PPCDC: variants seen among roughly 807,000 people sequenced by gnomAD.
PPCDC encodes phosphopantothenoylcysteine decarboxylase.
A neutral mutation model predicts 20.7 loss-of-function variants in PPCDC; 20 were observed. That is an observed-to-expected ratio of 0.97 (90% confidence interval 0.68 to 1.41). The LOEUF is 1.41. Ranked by LOEUF, PPCDC falls within the 40% of genes most tolerant of loss-of-function variation. The pLI is 0.00. For synonymous variants in PPCDC, 88 were observed against 100.3 expected (o/e 0.88, Z 0.73); for missense variants, 246 against 263.8 (o/e 0.93, Z 0.47).
chr15:75,049,306 T>C lies in PPCDC; in HGVS notation c.*71T>C, dbSNP rs560428288. ...CAGGCCAAGTCGGTGAAGATGGATG[T>C]TGGCAAAATAGGAGGATACCCTCAT... is the stretch of plus-strand genomic sequence containing the variant. On this transcript the variant is annotated 3_prime_UTR_variant, in exon 6 of 6. Coordinates refer to ENST00000342932, the MANE Select transcript of PPCDC (RefSeq NM_021823.5). 48 of 1,446,044 alleles carry C rather than the reference T, an allele frequency of 3.3e-5. No individual in the cohort carries two copies. In the Admixed American group the frequency reaches 8.2e-4, roughly 25 times the overall value. 89.6% of individuals were successfully genotyped at this position (1,446,044 alleles called of 1,614,324 possible). A position where few individuals can be genotyped will look rare whatever the true frequency, so the allele number is the denominator to read the frequency against.
intron 2 of PPCDC, among the ~76,000 whole-genome samples, chr15:75,041,366 A>G (rs1254723927): frequency 6.6e-6 from 1 of 152,156 alleles, no homozygotes; most frequent in African/African-American, 2.4e-5. Flanking sequence ...ATGGTGGTTC[A>G]TGCTTGTAAT....
chr15:75,030,007 G>A (rs1243155669), intron 2 of PPCDC, among the ~76,000 whole-genome samples: 1 of 152,128 alleles, frequency 6.6e-6, no homozygotes, highest in Non-Finnish European at 1.5e-5. Context: ...CCTGGAGCAG[G>A]GAGGTGCTCC....
chr15:75,032,380 C>G (rs6495143), intron 2 of PPCDC, among the ~76,000 whole-genome samples: 1 of 152,108 alleles, frequency 6.6e-6, no homozygotes, highest in Non-Finnish European at 1.5e-5. Flanking sequence ...TGCTCATATG[C>G]AGTGTGGAGT....
chr15:75,039,152 A>T (rs186245619), intron 2 of PPCDC, among the ~76,000 whole-genome samples: 7 of 152,306 alleles, frequency 4.6e-5, no homozygotes, highest in African/African-American at 1.7e-4. Flanking sequence ...GGGTGCCAAA[A>T]GTTGATTGGA....
At chr15:75,043,557 G>T in intron 3 of PPCDC, 21 bp downstream of exon 3, 1 of 1,573,876 alleles carries the variant, frequency 6.4e-7, no homozygotes, top group Non-Finnish European at 8.7e-7. Flanking sequence ...GGGCCCCTGG[G>T]CTGAGTTCCA....
intron 1 of PPCDC, among the ~76,000 whole-genome samples, chr15:75,024,521 T>A (rs1219724414): frequency 6.6e-6 from 1 of 151,956 alleles, no homozygotes; most frequent in African/African-American, 2.4e-5. Context: ...CTAATTTTTA[T>A]TTTATTTCAT....
At position 75,038,837 on chromosome 15, in the gene PPCDC, A is replaced by C. The variant is rs182045700; in HGVS notation, c.136-4604A>C. On this transcript the variant is annotated intron_variant, in intron 2 of 5. Coordinates refer to ENST00000342932, the MANE Select transcript of PPCDC (RefSeq NM_021823.5). ...CCTACTGAATTGATTCAATTTTCTC[A>C]TCTTTTTTCTACTATTATCCGTTTC... is the stretch of plus-strand genomic sequence containing the variant. Among the ~76,000 whole-genome samples the C allele has an allele frequency of 2.0e-3, 306 of 151,438 alleles. 1 individual carries two copies. The highest frequency in any genetic ancestry group is 3.0e-3 in the Admixed American group (46 of 15,220).
chr15:75,028,011 C>T (rs746699153), intron 1 of PPCDC, among the ~76,000 whole-genome samples: 13 of 152,240 alleles, frequency 8.5e-5, no homozygotes, highest in Non-Finnish European at 1.2e-4. Context: ...GAGATGGTCA[C>T]CCTGAGCAGC....
At chr15:75,040,511 A>G (rs1437722392) in intron 2 of PPCDC, among the ~76,000 whole-genome samples, 1 of 152,176 alleles carries the variant, frequency 6.6e-6, no homozygotes, top group Non-Finnish European at 1.5e-5. Context: ...ATCTTTTTAT[A>G]CAAGATATTG....
At chr15:75,045,574 G>T (rs1365213284) in intron 4 of PPCDC, among the ~76,000 whole-genome samples, 3 of 152,188 alleles carry the variant, frequency 2.0e-5, no homozygotes, top group Non-Finnish European at 4.4e-5. Flanking sequence ...TGGGGTCACA[G>T]ATTAGTGTTC....
At chr15:75,047,295 C>T (rs2066248876) in intron 4 of PPCDC, among the ~76,000 whole-genome samples, 1 of 152,184 alleles carries the variant, frequency 6.6e-6, no homozygotes, top group African/African-American at 2.4e-5. Flanking sequence ...CACTCATAGC[C>T]CGGCTGCCGT....
intron 2 of PPCDC, among the ~76,000 whole-genome samples, chr15:75,030,837 GT>G: frequency 6.6e-6 from 1 of 152,276 alleles, no homozygotes; most frequent in Non-Finnish European, 1.5e-5. Context: ...GCCCATCACT[GT>G]TCCTGATTGA....
chr15:75,041,261 A>G (rs1367910637), intron 2 of PPCDC, among the ~76,000 whole-genome samples: 2 of 152,200 alleles, frequency 1.3e-5, no homozygotes, highest in Non-Finnish European at 2.9e-5. Flanking sequence ...CTCATTTGCC[A>G]TCTTACTCAG....
chr15:75,026,802 T>A (rs746496173), intron 1 of PPCDC, among the ~76,000 whole-genome samples: 1 of 152,138 alleles, frequency 6.6e-6, no homozygotes, highest in Non-Finnish European at 1.5e-5. Flanking sequence ...ATGTATTGAC[T>A]CAAAGTTTCT....
At chr15:75,027,656 G>A (rs1442059101) in intron 1 of PPCDC, among the ~76,000 whole-genome samples, 2 of 152,016 alleles carry the variant, frequency 1.3e-5, no homozygotes, top group Admixed American at 6.6e-5. Context: ...AGCTCCTCTC[G>A]CCCTCCAGTC....
intron 2 of PPCDC, among the ~76,000 whole-genome samples, chr15:75,041,534 G>A (rs928869788): frequency 6.6e-6 from 1 of 152,200 alleles, no homozygotes; most frequent in Non-Finnish European, 1.5e-5. Context: ...AAGAGGCTGA[G>A]ATGGGAGGAT....
Position 75,028,277 on chromosome 15 carries a change from A to G in PPCDC, c.-42A>G, listed in dbSNP as rs1310874508. On this transcript the variant is annotated 5_prime_UTR_variant, in exon 2 of 6. Coordinates refer to ENST00000342932, the MANE Select transcript of PPCDC (RefSeq NM_021823.5). Reference sequence around the variant, plus strand: ...AAATCCCGACAGCTTTATAGAGCCCAGGCCTGGCAGGCTCCCAGAACTTGA... The same window carrying G: ...AAATCCCGACAGCTTTATAGAGCCCGGGCCTGGCAGGCTCCCAGAACTTGA... 3.1e-6 allele frequency: 5 copies of G among 1,607,972 alleles called. No homozygotes were observed. In the South Asian group the frequency reaches 5.5e-5, roughly 18 times the overall value.
Position 75,044,396 on chromosome 15 carries a change from G to A in PPCDC, c.242G>A (p.Ser81Asn). Residue 81 changes from serine (S) to asparagine (N), a missense_variant, in exon 4 of 6, where the codon AGC becomes AAC. Coordinates refer to ENST00000342932, the MANE Select transcript of PPCDC (RefSeq NM_021823.5). The part of the protein sequence containing the change: ...SDADEWEIWK[S>N]RSDPVLHIDL... Reference sequence around the variant, plus strand: ...TCTTCCCTCTGCCAGATATGGAAGAGCCGCTCTGACCCAGTTCTGCACATT... The same window carrying A: ...TCTTCCCTCTGCCAGATATGGAAGAACCGCTCTGACCCAGTTCTGCACATT... 1 of 1,613,970 alleles carries A rather than the reference G, an allele frequency of 6.2e-7. No homozygotes were observed. Among genetic ancestry groups the A allele is most frequent in the Non-Finnish European group, 8.5e-7 (1 of 1,179,960 alleles).
intron 2 of PPCDC, among the ~76,000 whole-genome samples, chr15:75,030,573 C>T (rs1217516415): frequency 1.3e-5 from 2 of 152,144 alleles, no homozygotes; most frequent in African/African-American, 2.4e-5. Flanking sequence ...CTTGTGTTGG[C>T]CCCAGTGGTG....
Sources: gnomAD v4.1 joint callset for allele counts (sites outside exome capture counted in the v4.1 genomes callset) on GRCh38, gnomAD v4.1.1 for gene constraint, MANE v1.5 for transcripts, NCBI Gene and HGNC (gene_info 2026-07-23, HGNC 2026-07-21) for gene names.